The following WNT3A variants were observed in gnomAD, a reference collection of about 807,000 sequenced individuals.
WNT3A encodes the protein protein Wnt-3a.
In WNT3A, 17 loss-of-function variants were observed where a neutral mutation model predicts 37.0. The ratio of observed to expected loss-of-function variants is 0.46; its 90% CI spans 0.31 to 0.69. The LOEUF (loss-of-function observed/expected upper bound fraction) is 0.69, where lower values mean the gene tolerates loss of function less well. WNT3A is among the 30% of genes least tolerant of loss of function. WNT3A has a pLI of 0.05. For missense variants in WNT3A, 411 were observed against 510.2 expected (o/e 0.81, Z 1.87); for synonymous variants, 187 against 211.0 (o/e 0.89, Z 0.99).
rs950564462 is a variant in WNT3A, at chr1:228,037,904, G to C, written c.314-12752G>C. 1.3e-5 allele frequency among the ~76,000 whole-genome samples: 2 copies of C among 152,198 alleles called. No individual in the cohort carries two copies. Among genetic ancestry groups the C allele is most frequent in the African/African-American group, 2.4e-5 (1 of 41,462 alleles). On this transcript the variant is annotated intron_variant, in intron 2 of 3. Coordinates refer to ENST00000284523, the MANE Select transcript of WNT3A (RefSeq NM_033131.4). The surrounding 1 kb of genome is among the most constrained non-coding windows in gnomAD (Gnocchi z 4.1). ...ATTTCCCCTCGCGCCGGACGGCCTG[G>C]CGCGCGGCGCATACTTCCAGGTTGC...
chr1:228,050,739 G>A lies in WNT3A; in HGVS notation c.397G>A (p.Ala133Thr). The A allele has an allele frequency of 1.2e-6, 2 of 1,614,144 alleles. No individual in the cohort carries two copies. The highest frequency in any genetic ancestry group is 1.7e-6 in the Non-Finnish European group (2 of 1,180,022). Residue 133 changes from alanine (A) to threonine (T), a missense_variant, in exon 3 of 4, where the codon GCC (alanine) becomes ACC (threonine). Coordinates refer to ENST00000284523, the MANE Select transcript of WNT3A (RefSeq NM_033131.4). The surrounding 1 kb of genome is among the most constrained non-coding windows in gnomAD (Gnocchi z 5.0). The part of the protein sequence containing the change: ...AVTRSCAEGT[A>T]AICGCSSRHQ... ...GACACGCTCATGTGCAGAAGGCACG[G>A]CCGCCATCTGTGGCTGCAGCAGCCG...
intron 2 of WNT3A, among the ~76,000 whole-genome samples, chr1:228,045,095 G>C (rs570897930): frequency 6.6e-6 from 1 of 152,234 alleles, no homozygotes; most frequent in African/African-American, 2.4e-5. Flanking sequence ...AGCACCACCC[G>C]CCCTTGCCCT....
rs1315035567 is a variant in WNT3A at position 228,031,697 on chromosome 1, G to A, written c.313+8789G>A. On this transcript the variant is annotated intron_variant, in intron 2 of 3. Transcript: ENST00000284523. The surrounding 1 kb of genome is among the most constrained non-coding windows in gnomAD (Gnocchi z 4.8). ...GTGTATGTGGATGTGCCTGTGCCGTGTGCATGTGGCTGTGGCATGCATGTG... is the reference window on the plus strand; with the variant it reads ...GTGTATGTGGATGTGCCTGTGCCGTATGCATGTGGCTGTGGCATGCATGTG... 6.6e-6 allele frequency among the ~76,000 whole-genome samples: 1 copy of A among 152,164 alleles called. No individual in the cohort carries two copies. Among genetic ancestry groups the A allele is most frequent in the African/African-American group, 2.4e-5 (1 of 41,438 alleles).
chr1:228,037,902 T>G lies in WNT3A; in HGVS notation c.314-12754T>G, dbSNP rs376004387. Among the ~76,000 whole-genome samples, 1 of 152,210 alleles carries G rather than the reference T, an allele frequency of 6.6e-6. No homozygotes were observed. The highest frequency in any genetic ancestry group is 1.5e-5 in the Non-Finnish European group (1 of 68,026). On this transcript the variant is annotated intron_variant, in intron 2 of 3. Coordinates refer to ENST00000284523, the MANE Select transcript of WNT3A (RefSeq NM_033131.4). This position sits in a 1 kb window ranked among gnomAD's most constrained non-coding sequence, Gnocchi z 4.1. ...GGATTTCCCCTCGCGCCGGACGGCC[T>G]GGCGCGCGGCGCATACTTCCAGGTT...
intron 3 of WNT3A, among the ~76,000 whole-genome samples, chr1:228,055,239 G>A (rs2031662413): frequency 1.8e-5 from 2 of 108,950 alleles, no homozygotes; most frequent in Non-Finnish European, 3.5e-5. Context: ...CAATAGATTT[G>A]GAAAATAATT....
chr1:228,011,925 C>T (rs1010861144), intron 1 of WNT3A, among the ~76,000 whole-genome samples: 4 of 152,234 alleles, frequency 2.6e-5, no homozygotes, highest in Non-Finnish European at 5.9e-5. Flanking sequence ...TCCGTAGCCG[C>T]CTCAGGGACG....
In WNT3A at chr1:228,059,719, C is replaced by A; in HGVS notation, c.*254C>A. On this transcript the variant is annotated 3_prime_UTR_variant, in exon 4 of 4. Transcript: ENST00000284523. ...AGCTCCAGGATGGGGAGGGGCTCTG[C>A]GTTGGCTTCTCCCTGGGGACGGGGC... is the stretch of plus-strand genomic sequence containing the variant. 7.6e-7 allele frequency: 1 copy of A among 1,309,028 alleles called. No individual in the cohort carries two copies. Among genetic ancestry groups the A allele is most frequent in the African/African-American group, 1.6e-5 (1 of 64,484 alleles). 81.1% of individuals were successfully genotyped at this position (1,309,028 alleles called of 1,614,324 possible). A position where few individuals can be genotyped will look rare whatever the true frequency, so the allele number is the denominator to read the frequency against.
intron 2 of WNT3A, among the ~76,000 whole-genome samples, chr1:228,025,131 T>C (rs2030821543): frequency 6.6e-6 from 1 of 152,100 alleles, no homozygotes; most frequent in Non-Finnish European, 1.5e-5. Context: ...GGAAAAAAGA[T>C]TGTTTTGGCT....
intron 3 of WNT3A, among the ~76,000 whole-genome samples, chr1:228,052,506 G>T (rs1263755672): frequency 6.6e-6 from 1 of 152,146 alleles, no homozygotes; most frequent in East Asian, 1.9e-4. Context: ...ACAGCAGCTT[G>T]CTAGAAAGGA....
chr1:228,030,807 C>T lies in WNT3A; in HGVS notation c.313+7899C>T, dbSNP rs949989181. Among the ~76,000 whole-genome samples the T allele has an allele frequency of 8.5e-5, 13 of 152,358 alleles. No homozygotes were observed. The South Asian group carries it at 1.5e-3, about 17-fold the overall frequency. Reference sequence around the variant, plus strand: ...CAGGCCCTCTCAGGAGTGTCCCCCACGCTTGCTCCTATCCCCCAACCCTGC... The same window carrying T: ...CAGGCCCTCTCAGGAGTGTCCCCCATGCTTGCTCCTATCCCCCAACCCTGC... On this transcript the variant is annotated intron_variant, in intron 2 of 3. Coordinates refer to ENST00000284523, the MANE Select transcript of WNT3A (RefSeq NM_033131.4).
intron 2 of WNT3A, among the ~76,000 whole-genome samples, chr1:228,045,682 G>A (rs1571810513): frequency 6.6e-6 from 1 of 152,326 alleles, no homozygotes; most frequent in African/African-American, 2.4e-5. Flanking sequence ...AGTAACATGG[G>A]GTCAGGGGTG....
chr1:228,027,189 A>C (rs1357967610), intron 2 of WNT3A, among the ~76,000 whole-genome samples: 2 of 152,208 alleles, frequency 1.3e-5, no homozygotes, highest in Non-Finnish European at 2.9e-5. Flanking sequence ...ATGGGCACTT[A>C]GGCTGGTTCC....
chr1:228,007,264 C>A lies in WNT3A; in HGVS notation c.71+65C>A. ...CCGCGCCCGCAGCAGACGGTCCCCT[C>A]GGGCAGGGACCCCGCGGTGGCCCGA... On this transcript the variant is annotated intron_variant, in intron 1 of 3. Coordinates refer to ENST00000284523, the MANE Select transcript of WNT3A (RefSeq NM_033131.4). This position sits in a 1 kb window ranked among gnomAD's most constrained non-coding sequence, Gnocchi z 6.0. 3 of 1,508,782 alleles carry A rather than the reference C, an allele frequency of 2.0e-6. No individual in the cohort carries two copies. The highest frequency in any genetic ancestry group is 1.4e-5 in the African/African-American group (1 of 70,554). The allele number at this position is 1,508,782 out of a possible 1,614,324, so 93.5% of individuals were successfully genotyped here. A position where few individuals can be genotyped will look rare whatever the true frequency, so the allele number is the denominator to read the frequency against.
At position 228,060,057 on chromosome 1, in the gene WNT3A, T is replaced by A; in HGVS notation, c.*592T>A. On this transcript the variant is annotated 3_prime_UTR_variant, in exon 4 of 4. Coordinates refer to ENST00000284523, the MANE Select transcript of WNT3A (RefSeq NM_033131.4). The stretch of plus-strand genomic sequence containing the variant: ...GGCAAGGCCCCTTCCACGGGGGCTG[T>A]GGCTCTGGGTGGGCGTGGCCTGCAT... 1 of 1,194,000 alleles carries A rather than the reference T, an allele frequency of 8.4e-7. No homozygotes were observed. Among genetic ancestry groups the A allele is most frequent in the African/African-American group, 1.6e-5 (1 of 62,520 alleles). 74.0% of individuals were successfully genotyped at this position (1,194,000 alleles called of 1,614,324 possible). A position where few individuals can be genotyped will look rare whatever the true frequency, so the allele number is the denominator to read the frequency against.
chr1:228,058,643 A>G (rs959157130), intron 3 of WNT3A, among the ~76,000 whole-genome samples: 1 of 152,212 alleles, frequency 6.6e-6, no homozygotes, highest in Non-Finnish European at 1.5e-5. Flanking sequence ...ATCCCCCTGC[A>G]TCCCTGCACT....
chr1:228,025,164 A>G (rs2030822279), intron 2 of WNT3A, among the ~76,000 whole-genome samples: 1 of 152,110 alleles, frequency 6.6e-6, no homozygotes, highest in Non-Finnish European at 1.5e-5. Context: ...TTTCAAATAT[A>G]TGTAAATTTT....
chr1:228,032,250 C>T (rs1239057008), intron 2 of WNT3A, among the ~76,000 whole-genome samples: 1 of 152,206 alleles, frequency 6.6e-6, no homozygotes, highest in African/African-American at 2.4e-5. Flanking sequence ...CATTCAGGAA[C>T]CCTTGGGTCT....
intron 3 of WNT3A, among the ~76,000 whole-genome samples, chr1:228,055,173 AAAAAAAATATATATATATATATAT>A (rs1352066246): frequency 1.4e-5 from 1 of 72,366 alleles, no homozygotes; most frequent in East Asian, 4.7e-4. Flanking sequence ...AAAAAAAAAA[AAAAAAAATATATATATATATATAT>A]ATATATATAT....
rs1438237195 is a variant in WNT3A, at chr1:228,007,986, G to T, written c.71+787G>T. Reference sequence around the variant, plus strand: ...GTTCCGTGAGACCCTCCCCAGCCTGGCGATGGAAGTGCAGATAAACCAAAG... The same window carrying T: ...GTTCCGTGAGACCCTCCCCAGCCTGTCGATGGAAGTGCAGATAAACCAAAG... On this transcript the variant is annotated intron_variant, in intron 1 of 3. Transcript: ENST00000284523. The surrounding 1 kb of genome is among the most constrained non-coding windows in gnomAD (Gnocchi z 6.0). 1.3e-5 allele frequency among the ~76,000 whole-genome samples: 2 copies of T among 152,206 alleles called. No homozygotes were observed. Among genetic ancestry groups the T allele is most frequent in the African/African-American group, 4.8e-5 (2 of 41,450 alleles).
Sources: allele counts gnomAD v4.1 joint callset (sites outside exome capture counted in the v4.1 genomes callset), GRCh38; gene constraint gnomAD v4.1.1; non-coding constraint Gnocchi (gnomAD v3.1); transcripts MANE v1.5; gene names NCBI Gene and HGNC (gene_info 2026-07-23, HGNC 2026-07-21).